CIITA: variants seen among roughly 807,000 people sequenced by gnomAD.
CIITA encodes class II major histocompatibility complex transactivator, also known as MHC class II transactivator.
CIITA carries 72 observed loss-of-function variants against 115.1 expected under a neutral mutation model. The ratio of observed to expected loss-of-function variants is 0.63; its 90% CI spans 0.52 to 0.76. The LOEUF is 0.76. Ranked by LOEUF, CIITA falls within the 30% of genes least tolerant of loss-of-function variation. The pLI is 0.00. For synonymous variants in CIITA, 763 were observed against 635.6 expected (o/e 1.20, Z -3.02); for missense variants, 1,617 against 1,463.8 (o/e 1.10, Z -1.71).
intron 16 of CIITA, among the ~76,000 whole-genome samples, chr16:10,921,424 T>A (rs1334883615): frequency 6.6e-6 from 1 of 152,236 alleles, no homozygotes; most frequent in Non-Finnish European, 1.5e-5. Flanking sequence ...ACACCCTCTA[T>A]GTTAACTCAT....
chr16:10,916,272 G>A (rs995713762), intron 14 of CIITA, 95 bp from the exon 15 acceptor site: 1 of 1,128,962 alleles, frequency 8.9e-7, no homozygotes, highest in Non-Finnish European at 1.3e-6. Flanking sequence ...GGTGGGAAGG[G>A]CAGGTGCCAG....
chr16:10,892,878 G>A (rs1434802220), intron 1 of CIITA, among the ~76,000 whole-genome samples: 1 of 152,174 alleles, frequency 6.6e-6, no homozygotes, highest in Non-Finnish European at 1.5e-5. Flanking sequence ...GTTGCAGTGA[G>A]CCGATACAGC....
At chr16:10,922,093 T>G (rs2040302090) in intron 16 of CIITA, 74 bp from the exon 17 acceptor site, 1 of 1,328,844 alleles carries the variant, frequency 7.5e-7, no homozygotes, top group African/African-American at 1.4e-5. Context: ...TTCTGGAATC[T>G]AGGGATGGTG....
At position 10,901,190 on chromosome 16, in the gene CIITA, A is replaced by G. The variant is rs149020972; in HGVS notation, c.437-324A>G. Among the ~76,000 whole-genome samples the G allele has an allele frequency of 6.6e-6, 1 of 152,304 alleles. No individual in the cohort carries two copies. Among genetic ancestry groups the G allele is most frequent in the African/African-American group, 2.4e-5 (1 of 41,570 alleles). On this transcript the variant is annotated intron_variant, in intron 5 of 19. Coordinates refer to ENST00000324288, the MANE Select transcript of CIITA (RefSeq NM_000246.4). The surrounding 1 kb of genome is among the most constrained non-coding windows in gnomAD (Gnocchi z 6.8). ...GAGATCAAAGGTTCAGAGAAGCTGC[A>G]TTGCAAAGGCACACAGCTAGGAAGC...
intron 12 of CIITA, among the ~76,000 whole-genome samples, chr16:10,909,409 G>A (rs1314817823): frequency 6.6e-6 from 1 of 152,252 alleles, no homozygotes; most frequent in Non-Finnish European, 1.5e-5. Flanking sequence ...CTGCCATCAT[G>A]TGCCCAAGTC....
chr16:10,894,029 A>T (rs969628701), intron 1 of CIITA, among the ~76,000 whole-genome samples: 1 of 151,918 alleles, frequency 6.6e-6, no homozygotes, highest in South Asian at 2.1e-4. Context: ...TTAAAAAAAA[A>T]TTAATAGAGA....
chr16:10,922,465 A>C lies in CIITA; in HGVS notation c.3292A>C (p.Arg1098=), dbSNP rs1326640373. 6.2e-7 allele frequency: 1 copy of C among 1,614,032 alleles called. No homozygotes were observed. The highest frequency in any genetic ancestry group is 1.1e-5 in the South Asian group (1 of 91,080). The change falls in exon 18 of 20, where the codon AGG becomes CGG. Residue 1098 remains arginine (R), a synonymous_variant. Coordinates refer to ENST00000324288, the MANE Select transcript of CIITA (RefSeq NM_000246.4). ...GAQQLAASLR[R]CPHVETLAMW... ...CCAGCAGCTCGCTGCCAGCCTTCGGAGGTGTCCTCATGTGGAGACGCTGGC... is the reference window on the plus strand; with the variant it reads ...CCAGCAGCTCGCTGCCAGCCTTCGGCGGTGTCCTCATGTGGAGACGCTGGC...
rs779174078 is a variant in CIITA, at chr16:10,902,174, C to T, written c.618C>T (p.Asp206=). The change falls in exon 7 of 20, where the codon GAC becomes GAT. Residue 206 remains aspartate (D), a synonymous_variant. Coordinates refer to ENST00000324288, the MANE Select transcript of CIITA (RefSeq NM_000246.4). ...GCCAGATGCGCCTGGAGAAAACCGA[C>T]CAGATTCCCAGTATGTTAGGGGGCT... ...ASGQMRLEKT[D]QIPMPFSSSS... 9.9e-6 allele frequency: 16 copies of T among 1,613,976 alleles called. No homozygotes were observed. In the African/African-American group the frequency reaches 1.6e-4, roughly 16 times the overall value.
At chr16:10,908,889 T>TG in intron 11 of CIITA, 140 bp from the exon 12 acceptor site, 1 of 1,231,830 alleles carries the variant, frequency 8.1e-7, no homozygotes, top group Non-Finnish European at 1.2e-6. Context: ...GGAGTGGTCA[T>TG]GGAAGGCTTT....
At chr16:10,889,087 A>G (rs2037265455) in intron 1 of CIITA, among the ~76,000 whole-genome samples, 1 of 152,242 alleles carries the variant, frequency 6.6e-6, no homozygotes, top group Non-Finnish European at 1.5e-5. Context: ...CCATGCGCAG[A>G]AACATGCTGA....
Position 10,924,007 on chromosome 16 carries a change from C to T in CIITA, c.*152C>T, listed in dbSNP as rs1417670639. 1 of 153,024 alleles carries T rather than the reference C, an allele frequency of 6.5e-6. No individual in the cohort carries two copies. The highest frequency in any genetic ancestry group is 1.5e-5 in the Non-Finnish European group (1 of 68,362). 9.5% of individuals were successfully genotyped at this position (153,024 alleles called of 1,614,324 possible). On this transcript the variant is annotated 3_prime_UTR_variant, in exon 20 of 20. Coordinates refer to ENST00000324288, the MANE Select transcript of CIITA (RefSeq NM_000246.4). ...GCCCCTGCTGGTTCAGGGTTGGCCCCTGCCCGGCTGCGGAATGAACCACAT... is the reference window on the plus strand; with the variant it reads ...GCCCCTGCTGGTTCAGGGTTGGCCCTTGCCCGGCTGCGGAATGAACCACAT...
At position 10,902,088 on chromosome 16, in the gene CIITA, G is replaced by A. The variant is rs573891636; in HGVS notation, c.532G>A (p.Asp178Asn). Residue 178 changes from aspartate to asparagine, a missense_variant, in exon 7 of 20, where the codon GAC becomes AAC. Physicochemically the swap from Asp to Asn is conservative, Grantham distance 23. Transcript: ENST00000324288. Reference sequence around the variant, plus strand: ...CAGTCTCCTAGTGGGACCAGTGAGCGACTGCTCCACCCTGCCCTGCCTGCC... The same window carrying A: ...CAGTCTCCTAGTGGGACCAGTGAGCAACTGCTCCACCCTGCCCTGCCTGCC... ...TGSLLVGPVS[D>N]CSTLPCLPLP... The A allele has an allele frequency of 7.1e-5, 114 of 1,614,038 alleles. No individual in the cohort carries two copies. The highest frequency in any genetic ancestry group is 2.2e-4 in the Admixed American group (13 of 60,008).
chr16:10,902,907 TTC>T, intron 8 of CIITA, 106 bp downstream of exon 8: 2 of 1,334,458 alleles, frequency 1.5e-6, no homozygotes, highest in Non-Finnish European at 2.1e-6. Context: ...CCCTAGCACC[TTC>T]TCATGATCCT....
At chr16:10,898,837 G>A (rs2038411058) in intron 4 of CIITA, 88 bp from the exon 5 acceptor site, 4 of 1,593,952 alleles carry the variant, frequency 2.5e-6, no homozygotes, top group South Asian at 2.2e-5. Flanking sequence ...TGGGCAGTCA[G>A]ACCCCTCTCC....
intron 7 of CIITA, among the ~76,000 whole-genome samples, 176 bp downstream of exon 7, chr16:10,902,360 G>T (rs1284270412): frequency 6.6e-6 from 1 of 152,126 alleles, no homozygotes; most frequent in Non-Finnish European, 1.5e-5. Context: ...CTCAATCCCT[G>T]GCAGAGAACA....
intron 1 of CIITA, among the ~76,000 whole-genome samples, chr16:10,867,264 G>A (rs2035140188): frequency 6.6e-6 from 1 of 151,316 alleles, no homozygotes; most frequent in Admixed American, 6.6e-5. Flanking sequence ...ATAGAGAAAT[G>A]GGGTGCAGAG....
chr16:10,904,329 C>G (rs1478388071), intron 9 of CIITA, among the ~76,000 whole-genome samples: 1 of 152,164 alleles, frequency 6.6e-6, no homozygotes, highest in Non-Finnish European at 1.5e-5. Context: ...TCAAGTGATT[C>G]TCCTGCCTCA....
upstream of CIITA, among the ~76,000 whole-genome samples, chr16:10,874,129 G>A (rs1241445579): frequency 6.6e-6 from 1 of 151,940 alleles, no homozygotes; most frequent in Non-Finnish European, 1.5e-5. Context: ...GATTACAGGC[G>A]TGCACCACCA....
At position 10,908,044 on chromosome 16, in the gene CIITA, C is replaced by G; in HGVS notation, c.2552C>G (p.Ala851Gly). 1 of 1,613,634 alleles carries G rather than the reference C, an allele frequency of 6.2e-7. No homozygotes were observed. The highest frequency in any genetic ancestry group is 8.5e-7 in the Non-Finnish European group (1 of 1,179,738). ...CCTGATGCACATGTACTGGGCAAGGCCTTGGAGGCGGCGGGCCAAGACTTC... is the reference window on the plus strand; with the variant it reads ...CCTGATGCACATGTACTGGGCAAGGGCTTGGAGGCGGCGGGCCAAGACTTC... ...TPPDAHVLGK[A>G]LEAAGQDFSL... Residue 851 changes from alanine (A) to glycine (G), a missense_variant, in exon 11 of 20, where the codon GCC becomes GGC. By Grantham distance (60) the Ala-to-Gly change is moderately conservative. Coordinates refer to ENST00000324288, the MANE Select transcript of CIITA (RefSeq NM_000246.4).
Sources: allele counts gnomAD v4.1 joint callset (sites outside exome capture counted in the v4.1 genomes callset), GRCh38; gene constraint gnomAD v4.1.1; non-coding constraint Gnocchi (gnomAD v3.1); transcripts MANE v1.5; gene names NCBI Gene and HGNC (gene_info 2026-07-23, HGNC 2026-07-21).